The following FARP1 variants were observed in gnomAD, a reference collection of about 807,000 sequenced individuals.
The protein encoded by FARP1 is FERM, ARHGEF and pleckstrin domain-containing protein 1.
In FARP1, 52 loss-of-function variants were observed where a neutral mutation model predicts 128.8. The observed-to-expected ratio is 0.40, with a 90% confidence interval of 0.32 to 0.51. The LOEUF (loss-of-function observed/expected upper bound fraction) is 0.51. FARP1 is among the 20% of genes least tolerant of loss of function. The pLI is 0.45. For synonymous variants in FARP1, 580 were observed against 551.8 expected (o/e 1.05, Z -0.72); for missense variants, 1,333 against 1,367.9 (o/e 0.97, Z 0.40).
intron 3 of FARP1, among the ~76,000 whole-genome samples, chr13:98,357,161 A>T (rs1888677341): frequency 6.6e-6 from 1 of 151,962 alleles, no homozygotes; most frequent in Non-Finnish European, 1.5e-5. Context: ...TTGCCTTTTA[A>T]TGGGGGGTGG....
chr13:98,301,950 T>G (rs1885944711), intron 2 of FARP1, among the ~76,000 whole-genome samples: 1 of 127,758 alleles, frequency 7.8e-6, no homozygotes. Context: ...TCTGTCGACT[T>G]TAAAATTCAT....
intron 3 of FARP1, among the ~76,000 whole-genome samples, chr13:98,351,979 G>GA (rs1888453109): frequency 1.3e-5 from 2 of 152,150 alleles, no homozygotes; most frequent in Admixed American, 6.5e-5. Flanking sequence ...AGTGGTTAAA[G>GA]AAAAAATACA....
intron 2 of FARP1, among the ~76,000 whole-genome samples, chr13:98,237,378 T>C (rs998952774): frequency 6.6e-6 from 1 of 152,044 alleles, no homozygotes; most frequent in Non-Finnish European, 1.5e-5. Context: ...CCGATTGCAG[T>C]TGAGAGAAAT....
chr13:98,182,508 G>A (rs1229309021), intron 1 of FARP1, among the ~76,000 whole-genome samples: 2 of 151,940 alleles, frequency 1.3e-5, no homozygotes, highest in African/African-American at 4.8e-5. Flanking sequence ...TGTATTTTTT[G>A]TAGAGACTGA....
At chr13:98,232,144 G>T (rs112885690) in intron 2 of FARP1, among the ~76,000 whole-genome samples, 19,392 of 110,504 alleles carry the variant, frequency 0.18, 2,508 homozygotes, top group African/African-American at 0.34. Context: ...TTGTTTGGTT[G>T]GTTTTTTTTT....
At chr13:98,153,391 T>A (rs1876198282) in intron 1 of FARP1, among the ~76,000 whole-genome samples, 2 of 113,580 alleles carry the variant, frequency 1.8e-5, no homozygotes, top group African/African-American at 2.8e-5. Context: ...ATATAATAAA[T>A]AATACATTAT....
intron 5 of FARP1, among the ~76,000 whole-genome samples, chr13:98,377,287 C>T (rs1047025635): frequency 1.1e-4 from 16 of 140,982 alleles, no homozygotes; most frequent in Admixed American, 2.3e-4. Context: ...GGCGACAGAG[C>T]GAGACTTTGT....
At chr13:98,290,283 G>A (rs1487644329) in intron 2 of FARP1, among the ~76,000 whole-genome samples, 1 of 151,966 alleles carries the variant, frequency 6.6e-6, no homozygotes, top group Non-Finnish European at 1.5e-5. Flanking sequence ...GCATAATGGT[G>A]TGCAAATGGA....
At chr13:98,387,027 G>A (rs553398739) in intron 8 of FARP1, among the ~76,000 whole-genome samples, 3 of 152,118 alleles carry the variant, frequency 2.0e-5, no homozygotes, top group African/African-American at 4.8e-5. Context: ...TAGGCCGGGC[G>A]CGGTCGCTCA....
In FARP1 at chr13:98,176,275, C is replaced by T. The variant is rs770505949; in HGVS notation, c.-24+32783C>T. 6.2e-7 allele frequency: 1 copy of T among 1,611,316 alleles called. No individual in the cohort carries two copies. The highest frequency in any genetic ancestry group is 1.1e-5 in the South Asian group (1 of 90,770). ...GGGGTCTTCTGTGAAATGGGACTTG[C>T]CCCCACCTTCTGCAGCCTGAAGCTT... On this transcript the variant is annotated intron_variant, in intron 1 of 26. Coordinates refer to ENST00000319562, the MANE Select transcript of FARP1 (RefSeq NM_005766.4). This position sits in a 1 kb window ranked among gnomAD's most constrained non-coding sequence, Gnocchi z 6.2.
At chr13:98,368,929 C>CTT (rs58962751) in intron 5 of FARP1, among the ~76,000 whole-genome samples, 144 of 141,166 alleles carry the variant, frequency 1.0e-3, no homozygotes, top group Admixed American at 1.2e-3. Context: ...TTATATATAC[C>CTT]TTTTTTTTTT....
intron 17 of FARP1, among the ~76,000 whole-genome samples, chr13:98,429,970 G>A (rs145592309): frequency 3.9e-4 from 60 of 152,356 alleles, no homozygotes; most frequent in Admixed American, 1.3e-3. Context: ...CGGGCGTGGT[G>A]CCTCATGCCT....
At chr13:98,240,566 G>C (rs1013452741) in intron 2 of FARP1, among the ~76,000 whole-genome samples, 1 of 152,222 alleles carries the variant, frequency 6.6e-6, no homozygotes, top group African/African-American at 2.4e-5. Flanking sequence ...GTTGGTGGAT[G>C]GTCTGGGGCT....
intron 2 of FARP1, among the ~76,000 whole-genome samples, chr13:98,334,768 A>G (rs751188418): frequency 6.6e-6 from 1 of 152,196 alleles, no homozygotes; most frequent in Non-Finnish European, 1.5e-5. Flanking sequence ...GAGACACCAG[A>G]GGGCTCTCGC....
chr13:98,340,281 G>A (rs539208989), intron 2 of FARP1, among the ~76,000 whole-genome samples: 3 of 152,204 alleles, frequency 2.0e-5, no homozygotes, highest in African/African-American at 7.2e-5. Flanking sequence ...GAGAAAGAAG[G>A]TTCTGAAACT....
intron 2 of FARP1, among the ~76,000 whole-genome samples, chr13:98,217,695 T>G (rs1432794270): frequency 6.6e-6 from 1 of 152,190 alleles, no homozygotes; most frequent in Admixed American, 6.5e-5. Flanking sequence ...CTCGGCGGTT[T>G]GTTTTCTGCA....
At chr13:98,206,068 G>T (rs1378659600) in intron 1 of FARP1, among the ~76,000 whole-genome samples, 2 of 151,508 alleles carry the variant, frequency 1.3e-5, no homozygotes, top group Non-Finnish European at 2.9e-5. Context: ...AGGTTTTTTT[G>T]TTTGTTTGTT....
chr13:98,341,648 A>C (rs1887979201), intron 2 of FARP1, among the ~76,000 whole-genome samples: 1 of 152,112 alleles, frequency 6.6e-6, no homozygotes, highest in African/African-American at 2.4e-5. Context: ...ACAAAAACAA[A>C]CAACAACAAC....
At chr13:98,147,147 C>T (rs763519251) in intron 1 of FARP1, among the ~76,000 whole-genome samples, 9 of 152,080 alleles carry the variant, frequency 5.9e-5, no homozygotes, top group Non-Finnish European at 1.2e-4. Context: ...ATGCCCTTGC[C>T]CTGGTTTGAA....
Sources: gnomAD v4.1 joint callset for allele counts (sites outside exome capture counted in the v4.1 genomes callset) on GRCh38, gnomAD v4.1.1 for gene constraint, Gnocchi (gnomAD v3.1) non-coding constraint, MANE v1.5 for transcripts, NCBI Gene and HGNC (gene_info 2026-07-23, HGNC 2026-07-21) for gene names.